NDST4: variants seen among roughly 807,000 people sequenced by gnomAD.
The protein encoded by NDST4 is N-heparan sulfate sulfotransferase 4.
A neutral mutation model predicts 100.8 loss-of-function variants in NDST4; 63 were observed. That is an observed-to-expected ratio of 0.62 (90% CI 0.51 to 0.77). NDST4 has a LOEUF of 0.77. Ranked by LOEUF, NDST4 falls within the 30% of genes least tolerant of loss-of-function variation. NDST4 has a pLI of 0.00. For synonymous variants in NDST4, 377 were observed against 361.8 expected (o/e 1.04, Z -0.48); for missense variants, 943 against 1,018.4 (o/e 0.93, Z 1.01).
intron 7 of NDST4, among the ~76,000 whole-genome samples, chr4:114,853,808 AT>A (rs1316981530): frequency 6.6e-6 from 1 of 152,056 alleles, no homozygotes; most frequent in Admixed American, 6.5e-5. Flanking sequence ...TTTTCACTTA[AT>A]TTTTAATTTT....
chr4:114,867,646 T>TAAAAAAAAAAAAAAAAAAAAAAA (rs761173470), intron 7 of NDST4, among the ~76,000 whole-genome samples: 4 of 26,768 alleles, frequency 1.5e-4, no homozygotes, highest in Non-Finnish European at 2.1e-4. Flanking sequence ...ATGAGAATTA[T>TAAAAAAAAAAAAAAAAAAAAAAA]AAAAAAAAAA....
At chr4:114,845,099 G>C (rs970923103) in intron 10 of NDST4, among the ~76,000 whole-genome samples, 6 of 152,190 alleles carry the variant, frequency 3.9e-5, no homozygotes, top group African/African-American at 1.4e-4. Flanking sequence ...GGAGGCTGAG[G>C]TTGGTGGATT....
intron 3 of NDST4, among the ~76,000 whole-genome samples, chr4:114,973,370 T>A (rs1463119775): frequency 6.6e-6 from 1 of 151,950 alleles, no homozygotes; most frequent in African/African-American, 2.4e-5. Flanking sequence ...AATATATACT[T>A]AAATTATATG....
chr4:114,889,729 T>TG (rs982543222), intron 6 of NDST4, among the ~76,000 whole-genome samples: 5 of 152,234 alleles, frequency 3.3e-5, no homozygotes, highest in African/African-American at 1.2e-4. Flanking sequence ...CAGCCTTGAC[T>TG]GGGGGGAGAA....
chr4:115,113,138 T>A (rs1187795540), intron 1 of NDST4, among the ~76,000 whole-genome samples: 1 of 151,992 alleles, frequency 6.6e-6, no homozygotes, highest in Non-Finnish European at 1.5e-5. Flanking sequence ...AAAGTTGTTA[T>A]CAAATAAGAT....
intron 4 of NDST4, chr4:114,955,894 C>T (rs551359547): frequency 2.6e-5 from 4 of 152,272 alleles, no homozygotes; most frequent in African/African-American, 7.2e-5. Context: ...AGGGCTACAT[C>T]TCTCTGTAGT....
intron 1 of NDST4, among the ~76,000 whole-genome samples, chr4:115,105,962 C>T (rs1729825157): frequency 6.6e-6 from 1 of 152,056 alleles, no homozygotes; most frequent in South Asian, 2.1e-4. Context: ...TGTCTTCTCA[C>T]ATTTTACATT....
At chr4:114,921,617 A>G (rs1036100145) in intron 6 of NDST4, among the ~76,000 whole-genome samples, 1 of 152,142 alleles carries the variant, frequency 6.6e-6, no homozygotes, top group African/African-American at 2.4e-5. Flanking sequence ...GTTTGTGTAA[A>G]ACAGTAAGAG....
intron 4 of NDST4, among the ~76,000 whole-genome samples, chr4:114,966,898 T>G (rs1384479197): frequency 1.3e-5 from 2 of 152,072 alleles, no homozygotes; most frequent in African/African-American, 4.8e-5. Flanking sequence ...ACTTTGTAGT[T>G]TAGAGAATGA....
intron 2 of NDST4, among the ~76,000 whole-genome samples, chr4:115,058,910 A>G (rs1378721831): frequency 6.6e-6 from 1 of 151,976 alleles, no homozygotes; most frequent in African/African-American, 2.4e-5. Flanking sequence ...TTTTTATTTA[A>G]AAAAATTAAA....
intron 6 of NDST4, among the ~76,000 whole-genome samples, chr4:114,876,986 A>G (rs1003253825): frequency 5.3e-5 from 8 of 152,178 alleles, no homozygotes; most frequent in Non-Finnish European, 1.2e-4. Flanking sequence ...TAGCAAATCC[A>G]GCATTCAAAG....
chr4:115,022,395 T>C lies in NDST4; in HGVS notation c.979-45121A>G, dbSNP rs1194486331. Among the ~76,000 whole-genome samples, 268 of 146,984 alleles carry C rather than the reference T, an allele frequency of 1.8e-3. 7 individuals carry two copies. The highest frequency in any genetic ancestry group is 6.6e-3 in the African/African-American group (250 of 37,710). On this transcript the variant is annotated intron_variant, in intron 2 of 13. Transcript: ENST00000264363. Reference sequence around the variant, plus strand: ...TCCATGTACATATGTGTTCCATATATATGTGTTCCATATATATGTGTTCCA... The same window carrying C: ...TCCATGTACATATGTGTTCCATATACATGTGTTCCATATATATGTGTTCCA...
rs187545487 is a variant in NDST4 at position 115,105,155 on chromosome 4, C to T, written c.-247+8289G>A. ...CCAATATGTCACAATATTATCTCATCTTTAATTCACATTTGTTTACATGAA... is the reference window on the plus strand; with the variant it reads ...CCAATATGTCACAATATTATCTCATTTTTAATTCACATTTGTTTACATGAA... On this transcript the variant is annotated intron_variant, in intron 1 of 13. Coordinates refer to ENST00000264363, the MANE Select transcript of NDST4 (RefSeq NM_022569.3). Among the ~76,000 whole-genome samples the T allele has an allele frequency of 2.5e-3, 380 of 152,210 alleles. No individual in the cohort carries two copies. The Middle Eastern group carries it at 0.027, about 11-fold the overall frequency.
intron 6 of NDST4, among the ~76,000 whole-genome samples, chr4:114,880,298 T>C (rs1238469401): frequency 1.3e-5 from 2 of 152,180 alleles, no homozygotes; most frequent in African/African-American, 2.4e-5. Flanking sequence ...AATTACATTT[T>C]AGAATACCCT....
intron 7 of NDST4, among the ~76,000 whole-genome samples, chr4:114,856,837 A>G (rs1277177287): frequency 6.6e-6 from 1 of 152,210 alleles, no homozygotes; most frequent in African/African-American, 2.4e-5. Flanking sequence ...GGAGCCTGCC[A>G]CCTTTTAAGC....
At chr4:115,091,062 C>A (rs754063343) in intron 1 of NDST4, among the ~76,000 whole-genome samples, 1 of 151,952 alleles carries the variant, frequency 6.6e-6, no homozygotes, top group African/African-American at 2.4e-5. Context: ...TAATATTCTG[C>A]TAATTTTTGT....
intron 2 of NDST4, among the ~76,000 whole-genome samples, chr4:114,986,805 T>C (rs1441247144): frequency 1.3e-4 from 4 of 31,408 alleles, no homozygotes; most frequent in African/African-American, 2.1e-4. Context: ...TATATATATA[T>C]ATATATATAT....
At chr4:115,044,496 C>CA (rs1728423315) in intron 2 of NDST4, among the ~76,000 whole-genome samples, 1 of 151,870 alleles carries the variant, frequency 6.6e-6, no homozygotes, top group Admixed American at 6.6e-5. Flanking sequence ...AGAAGGTCCT[C>CA]CAGAGATTCT....
At chr4:114,945,914 T>C (rs1725853048) in intron 4 of NDST4, among the ~76,000 whole-genome samples, 2 of 150,884 alleles carry the variant, frequency 1.3e-5, no homozygotes, top group Admixed American at 1.3e-4. Flanking sequence ...GACTGAAGCC[T>C]AGCAAATGGT....
Sources: gnomAD v4.1 joint callset for allele counts (sites outside exome capture counted in the v4.1 genomes callset) on GRCh38, gnomAD v4.1.1 for gene constraint, MANE v1.5 for transcripts, NCBI Gene and HGNC (gene_info 2026-07-23, HGNC 2026-07-21) for gene names.